TAC4: variants seen among roughly 807,000 people sequenced by gnomAD.
The protein encoded by TAC4 is tachykinin-4.
Under a neutral mutation model 17.7 loss-of-function variants are expected in TAC4, and 17 were observed. The observed-to-expected ratio is 0.96, with a 90% confidence interval of 0.66 to 1.44. TAC4 has a LOEUF of 1.44. Among genes scored for constraint, TAC4 ranks in the 40% most tolerant of loss-of-function variants. TAC4 has a pLI of 0.00. For synonymous variants in TAC4, 62 were observed against 52.4 expected (o/e 1.18, Z -0.79); for missense variants, 118 against 125.6 (o/e 0.94, Z 0.29).
chr17:49,840,964 C>T (rs563675136), intron 3 of TAC4, among the ~76,000 whole-genome samples: 1 of 150,174 alleles, frequency 6.7e-6, no homozygotes, highest in African/African-American at 2.4e-5. Context: ...ACTGCAACCC[C>T]TGCCTCCTGG....
intron 1 of TAC4, chr17:49,846,921 C>G (rs1567876376): frequency 7.8e-7 from 1 of 1,273,966 alleles, no homozygotes; most frequent in Non-Finnish European, 1.0e-6. Context: ...CTTCCCTCCT[C>G]CGTTTTGCAG....
intron 1 of TAC4, chr17:49,845,888 C>T (rs1312884313): frequency 1.6e-5 from 3 of 187,488 alleles, no homozygotes; most frequent in African/African-American, 2.4e-5. Context: ...CCCACCAGGA[C>T]GTCAGTGGCT....
intron 1 of TAC4, 54 bp downstream of exon 1, chr17:49,847,859 T>C: frequency 2.5e-6 from 4 of 1,612,738 alleles, no homozygotes; most frequent in Non-Finnish European, 3.4e-6. Flanking sequence ...CTGCCGATTA[T>C]CCCCTGCCCT....
chr17:49,839,095 C>G (rs2074478244), intron 4 of TAC4, among the ~76,000 whole-genome samples: 1 of 152,140 alleles, frequency 6.6e-6, no homozygotes, highest in Admixed American at 6.5e-5. Context: ...GAACATTCAT[C>G]TCTATTTGTT....
At chr17:49,844,206 C>T (rs200440453) in intron 1 of TAC4, 49 bp from the exon 2 acceptor site, 48 of 1,588,192 alleles carry the variant, frequency 3.0e-5, no homozygotes, top group Admixed American at 2.8e-4. Flanking sequence ...GTCCAGCAGA[C>T]GGGAGGCCAG....
intron 4 of TAC4, among the ~76,000 whole-genome samples, chr17:49,839,333 G>C (rs1346616734): frequency 6.6e-6 from 1 of 152,112 alleles, no homozygotes; most frequent in Non-Finnish European, 1.5e-5. Flanking sequence ...TTCATGCCTG[G>C]TCCCCTGAAA....
intron 3 of TAC4, among the ~76,000 whole-genome samples, chr17:49,840,346 CTG>C (rs1318268735): frequency 1.3e-5 from 2 of 152,112 alleles, no homozygotes; most frequent in Non-Finnish European, 2.9e-5. Context: ...CAAGCTCTGT[CTG>C]TGTACGGCAG....
intron 2 of TAC4, among the ~76,000 whole-genome samples, chr17:49,842,315 G>A (rs922522941): frequency 6.6e-6 from 1 of 151,884 alleles, no homozygotes; most frequent in East Asian, 1.9e-4. Flanking sequence ...CGAATCACGA[G>A]GTCAGGAATT....
In TAC4 at chr17:49,840,705, G is replaced by A. The variant is rs867237533; in HGVS notation, c.233-796C>T. Among the ~76,000 whole-genome samples the A allele has an allele frequency of 4.6e-5, 7 of 151,976 alleles. No homozygotes were observed. In the East Asian group the frequency reaches 7.8e-4, roughly 17 times the overall value. On this transcript the variant is annotated intron_variant, in intron 3 of 4. Coordinates refer to ENST00000436235, the MANE Select transcript of TAC4 (RefSeq NM_001077506.2). Reference sequence around the variant, plus strand: ...TTTAGTAGAGACAGGGTTTCACCACGTTGGCCAGGCTGGTCTCGAACTCCT... The same window carrying A: ...TTTAGTAGAGACAGGGTTTCACCACATTGGCCAGGCTGGTCTCGAACTCCT...
rs1460576282 is a variant in TAC4, at chr17:49,844,085, G to T, written c.178C>A (p.Leu60Met). 1.9e-6 allele frequency: 3 copies of T among 1,613,942 alleles called. No homozygotes were observed. The highest frequency in any genetic ancestry group is 2.5e-6 in the Non-Finnish European group (3 of 1,179,818). Residue 60 changes from leucine (L) to methionine (M), a missense_variant, in exon 2 of 5, where the codon CTG becomes ATG. Coordinates refer to ENST00000436235, the MANE Select transcript of TAC4 (RefSeq NM_001077506.2). ...KTGKASQFFG[L>M]MGKRVGGRPL... ...TCACCTCCCACTCGCTTCCCCATCA[G>T]CCCAAAGAACTGGCTTGCCTTGCCC... is the stretch of plus-strand genomic sequence containing the variant.
rs571399911 is a variant in TAC4, at chr17:49,844,116, C to T, written c.147G>A (p.Val49=). The change falls in exon 2 of 5, where the codon GTG becomes GTA. Residue 49 remains valine, a synonymous_variant. Transcript: ENST00000436235. The stretch of plus-strand genomic sequence containing the variant: ...AGAACTGGCTTGCCTTGCCCGTCTT[C>T]ACCTCCTGCAGCTGGAGCTGAATGC... ...GPSIQLQLQE[V]KTGKASQFFG... is the part of the protein sequence containing the mutation. 10 of 1,613,996 alleles carry T rather than the reference C, an allele frequency of 6.2e-6. No homozygotes were observed. The South Asian group carries it at 9.9e-5, about 16-fold the overall frequency.
chr17:49,841,138 G>A (rs992220021), intron 3 of TAC4, among the ~76,000 whole-genome samples: 3 of 151,662 alleles, frequency 2.0e-5, no homozygotes, highest in African/African-American at 7.3e-5. Context: ...TGGCTGCCTT[G>A]GCCTCCCAAA....
intron 1 of TAC4, chr17:49,846,251 G>A: frequency 7.8e-7 from 1 of 1,286,732 alleles, no homozygotes; most frequent in Non-Finnish European, 1.0e-6. Context: ...GGTAAGTGAT[G>A]CGATCATGCC....
chr17:49,841,479 T>G, intron 3 of TAC4, 73 bp downstream of exon 3: 2 of 1,456,758 alleles, frequency 1.4e-6, no homozygotes, highest in Non-Finnish European at 1.8e-6. Context: ...CTCACCCACC[T>G]GGTTTGTTTG....
chr17:49,845,034 A>G (rs1435919012), intron 1 of TAC4, among the ~76,000 whole-genome samples: 1 of 152,184 alleles, frequency 6.6e-6, no homozygotes, highest in East Asian at 1.9e-4. Context: ...GTTCTGCTCT[A>G]TCATGGGAAG....
chr17:49,838,667 T>C lies in TAC4; in HGVS notation c.299A>G (p.Glu100Gly), dbSNP rs374132843. 5 of 1,613,228 alleles carry C rather than the reference T, an allele frequency of 3.1e-6. No individual in the cohort carries two copies. The highest frequency in any genetic ancestry group is 4.2e-6 in the Non-Finnish European group (5 of 1,179,700). Residue 100 changes from glutamate to glycine, a missense_variant, in exon 5 of 5, where the codon GAG becomes GGG. Coordinates refer to ENST00000436235, the MANE Select transcript of TAC4 (RefSeq NM_001077506.2). ...GKRSLFTEGR[E>G]DEAQGSE ...TTACTCTGAACCTTGGGCCTCATCC[T>C]CTCTGCCTGGGGAGAGTTTGGTATA...
intron 4 of TAC4, 99 bp from the exon 5 acceptor site, chr17:49,838,772 T>G: frequency 8.3e-7 from 1 of 1,201,868 alleles, no homozygotes; most frequent in East Asian, 2.4e-5. Flanking sequence ...GGCCTTCATC[T>G]TCCTAACCCC....
At chr17:49,843,899 T>C (rs2144045812) in intron 2 of TAC4, among the ~76,000 whole-genome samples, 165 bp downstream of exon 2, 1 of 152,218 alleles carries the variant, frequency 6.6e-6, no homozygotes. Context: ...CCAGCCTGGA[T>C]GATAATTCCT....
chr17:49,838,597 G>A lies in TAC4; in HGVS notation c.*45C>T, dbSNP rs61625769. Reference sequence around the variant, plus strand: ...CTTGTCAGCTGTGACATCCAGGTAGGAAGAAGCGGCACCGTGTCCTCTGGG... The same window carrying A: ...CTTGTCAGCTGTGACATCCAGGTAGAAAGAAGCGGCACCGTGTCCTCTGGG... On this transcript the variant is annotated 3_prime_UTR_variant, in exon 5 of 5. Transcript: ENST00000436235. The A allele has an allele frequency of 7.4e-6, 12 of 1,613,084 alleles. No individual in the cohort carries two copies. The highest frequency in any genetic ancestry group is 1.0e-5 in the Non-Finnish European group (12 of 1,179,384).
Sources: gnomAD v4.1 joint callset for allele counts (sites outside exome capture counted in the v4.1 genomes callset) on GRCh38, gnomAD v4.1.1 for gene constraint, MANE v1.5 for transcripts, NCBI Gene and HGNC (gene_info 2026-07-23, HGNC 2026-07-21) for gene names.